Variants in DMD observed in about 807,000 individuals in gnomAD.
DMD encodes the protein dystrophin, also known as mutant dystrophin.
In DMD, 63 loss-of-function variants were observed where a neutral mutation model predicts 330.1. That is an observed-to-expected ratio of 0.19 (90% CI 0.16 to 0.24). The LOEUF (loss-of-function observed/expected upper bound fraction) is 0.24, where lower values mean the gene tolerates loss of function less well. Ranked by LOEUF, DMD falls within the 10% of genes least tolerant of loss-of-function variation. The probability of loss-of-function intolerance (pLI) is 1.00; values close to 1 mark genes in which losing one functional copy is unlikely to be tolerated. For synonymous variants in DMD, 1,223 were observed against 959.8 expected, an observed-to-expected ratio of 1.27 and a Z score of -5.07; for missense variants, 3,344 against 2,684.1, an observed-to-expected ratio of 1.25 and a Z score of -5.43.
intron 44 of DMD, among the ~76,000 whole-genome samples, chrX:32,169,081 T>C (rs1464985720): frequency 9.0e-6 from 1 of 111,726 alleles, no homozygotes; most frequent in Non-Finnish European, 1.9e-5. Flanking sequence ...GGTTCATACC[T>C]GGAGAAGGAG....
intron 1 of DMD, among the ~76,000 whole-genome samples, chrX:33,077,670 T>TAA (rs2094866033): frequency 1.8e-5 from 2 of 111,924 alleles, no homozygotes; most frequent in African/African-American, 6.5e-5. Flanking sequence ...ACAGTGTTTA[T>TAA]GTGAATAGCC....
intron 12 of DMD, among the ~76,000 whole-genome samples, chrX:32,603,268 T>G (rs369220974): frequency 1.8e-5 from 2 of 111,334 alleles, no homozygotes; most frequent in African/African-American, 6.5e-5. Context: ...CTGAATGATC[T>G]TTGGACAATG....
chrX:32,911,105 A>C (rs2087200519), intron 2 of DMD, among the ~76,000 whole-genome samples: 1 of 112,506 alleles, frequency 8.9e-6, no homozygotes, highest in Non-Finnish European at 1.9e-5. Context: ...AGGACTTCTC[A>C]AGGCATGATA....
intron 43 of DMD, among the ~76,000 whole-genome samples, chrX:32,224,975 C>T (rs1185604635): frequency 9.0e-6 from 1 of 111,226 alleles, no homozygotes; most frequent in Non-Finnish European, 1.9e-5. Flanking sequence ...GTACCACCAA[C>T]ATCAACACCT....
At chrX:31,418,920 G>A (rs1004042046) in intron 60 of DMD, among the ~76,000 whole-genome samples, 1 of 111,700 alleles carries the variant, frequency 9.0e-6, no homozygotes, top group Non-Finnish European at 1.9e-5. Context: ...GCTTGGCACT[G>A]ACTTATTTAC....
chrX:32,771,043 C>T (rs1263418598), intron 7 of DMD, among the ~76,000 whole-genome samples: 2 of 111,517 alleles, frequency 1.8e-5, no homozygotes, highest in African/African-American at 6.5e-5. Context: ...GTACAAAGGT[C>T]CTGAGGCAGG....
chrX:32,081,151 T>C lies in DMD; in HGVS notation c.6439-112637A>G, dbSNP rs934964043. Among the ~76,000 whole-genome samples, 6 of 112,310 alleles carry C rather than the reference T, an allele frequency of 5.3e-5. No homozygotes were observed. In the Admixed American group the frequency reaches 5.7e-4, roughly 11 times the overall value. Reference sequence around the variant, plus strand: ...AGGTGGCGATAGAACATTTCTCATCTGCCTTTCTGGTTATGGTGAGACATA... The same window carrying C: ...AGGTGGCGATAGAACATTTCTCATCCGCCTTTCTGGTTATGGTGAGACATA... On this transcript the variant is annotated intron_variant, in intron 44 of 78. Coordinates refer to ENST00000357033, the MANE Select transcript of DMD (RefSeq NM_004006.3).
At position 32,821,631 on chromosome X, in the gene DMD, C is replaced by A. The variant is rs962762029; in HGVS notation, c.357+1664G>T. ...AATAAAAATAAAAAATAAAAAAATT[C>A]AAGTTTACCGAATGAAGCCATGATA... is the stretch of plus-strand genomic sequence containing the variant. On this transcript the variant is annotated intron_variant, in intron 5 of 78. Transcript: ENST00000357033. Among the ~76,000 whole-genome samples the A allele has an allele frequency of 3.6e-5, 4 of 110,270 alleles. No individual in the cohort carries two copies. In the Admixed American group the frequency reaches 3.9e-4, roughly 11 times the overall value.
chrX:32,423,954 C>A (rs1196788677), intron 29 of DMD, among the ~76,000 whole-genome samples: 1 of 111,183 alleles, frequency 9.0e-6, no homozygotes, highest in East Asian at 2.8e-4. Flanking sequence ...GGAAAAATTT[C>A]TAATTTACAA....
In DMD at chrX:32,438,478, C is replaced by T; in HGVS notation, c.3922-88G>A. 6.7e-6 allele frequency: 7 copies of T among 1,048,799 alleles called. No homozygotes were observed. In the South Asian group the frequency reaches 9.9e-5, roughly 15 times the overall value. 86.4% of individuals were successfully genotyped at this position (1,048,799 alleles called of 1,213,427 possible). Reference sequence around the variant, plus strand: ...CAAATGCTCAGTATCTTCTGATTTACATATAATTAAGTCATAATCAATTTA... The same window carrying T: ...CAAATGCTCAGTATCTTCTGATTTATATATAATTAAGTCATAATCAATTTA... On this transcript the variant is annotated intron_variant, in intron 28 of 78. Coordinates refer to ENST00000357033, the MANE Select transcript of DMD (RefSeq NM_004006.3).
At position 31,210,325 on chromosome X, in the gene DMD, G is replaced by A. The variant is rs755848624; in HGVS notation, c.9362-626C>T. Among the ~76,000 whole-genome samples the A allele has an allele frequency of 4.5e-5, 5 of 111,815 alleles. No homozygotes were observed. The South Asian group carries it at 1.5e-3, about 33-fold the overall frequency. On this transcript the variant is annotated intron_variant, in intron 64 of 78. Coordinates refer to ENST00000357033, the MANE Select transcript of DMD (RefSeq NM_004006.3). Reference sequence around the variant, plus strand: ...TATCCAGTTTTCAGACCTGAGGCTCGCTTATTTCTCCTTTCACCTTCAAAT... The same window carrying A: ...TATCCAGTTTTCAGACCTGAGGCTCACTTATTTCTCCTTTCACCTTCAAAT...
intron 42 of DMD, among the ~76,000 whole-genome samples, chrX:32,291,918 T>C (rs1056019322): frequency 1.8e-5 from 2 of 112,018 alleles, no homozygotes; most frequent in African/African-American, 3.2e-5. Context: ...GGTGACTGAA[T>C]GGCAAGCGTA....
intron 55 of DMD, among the ~76,000 whole-genome samples, chrX:31,563,221 C>T (rs1391431328): frequency 2.7e-5 from 3 of 110,922 alleles, no homozygotes; most frequent in South Asian, 3.9e-4. Flanking sequence ...CCCACCACCA[C>T]GCCCAGCTAA....
chrX:31,503,295 G>A (rs892376517), intron 56 of DMD, among the ~76,000 whole-genome samples: 2 of 112,141 alleles, frequency 1.8e-5, no homozygotes, highest in African/African-American at 3.2e-5. Context: ...AAAATTGTAC[G>A]ATTGCAAGAG....
chrX:31,121,859 T>C lies in DMD; in HGVS notation c.*60A>G. The stretch of plus-strand genomic sequence containing the variant: ...TATTCTGCTCCTTCTTCATCTGTCA[T>C]GACTGATACTAAGGACTCCATCGCT... On this transcript the variant is annotated 3_prime_UTR_variant, in exon 79 of 79. Coordinates refer to ENST00000357033, the MANE Select transcript of DMD (RefSeq NM_004006.3). 8.3e-7 allele frequency: 1 copy of C among 1,205,027 alleles called. No homozygotes were observed. Among genetic ancestry groups the C allele is most frequent in the Non-Finnish European group, 1.1e-6 (1 of 889,286 alleles).
chrX:32,917,997 G>GA (rs1251232331), intron 2 of DMD, among the ~76,000 whole-genome samples: 10 of 105,178 alleles, frequency 9.5e-5, no homozygotes, highest in African/African-American at 3.5e-4. Context: ...AAAAAAAAAA[G>GA]AAAGAAAAGG....
At chrX:32,784,217 G>A (rs1166670854) in intron 7 of DMD, among the ~76,000 whole-genome samples, 11 of 111,644 alleles carry the variant, frequency 9.9e-5, no homozygotes, top group African/African-American at 2.3e-4. Context: ...GAGAAGCAGC[G>A]TTTCTATAGC....
chrX:32,288,543 C>T (rs1170839455), intron 42 of DMD, among the ~76,000 whole-genome samples: 1 of 111,632 alleles, frequency 9.0e-6, no homozygotes, highest in South Asian at 3.8e-4. Context: ...CTCTTTCCCC[C>T]CTACTGGATA....
chrX:32,632,675 C>T (rs966286955), intron 11 of DMD, among the ~76,000 whole-genome samples: 9 of 100,987 alleles, frequency 8.9e-5, no homozygotes, highest in Non-Finnish European at 1.6e-4. Flanking sequence ...GTGGCCCAAG[C>T]TGTACTTGGG....
Sources: allele counts gnomAD v4.1 joint callset (sites outside exome capture counted in the v4.1 genomes callset), GRCh38; gene constraint gnomAD v4.1.1; transcripts MANE v1.5; gene names NCBI Gene and HGNC (gene_info 2026-07-23, HGNC 2026-07-21).